Variants in SLC26A4 observed in about 807,000 individuals in gnomAD.
SLC26A4 encodes solute carrier family 26 member 4, also known as pendrin.
A neutral mutation model predicts 90.4 loss-of-function variants in SLC26A4; 93 were observed. The observed-to-expected ratio is 1.03, with a 90% confidence interval of 0.87 to 1.22. The LOEUF (loss-of-function observed/expected upper bound fraction) is 1.22. Ranked by LOEUF, SLC26A4 falls within the 50% of genes most tolerant of loss-of-function variation. SLC26A4 has a pLI of 0.00. For missense variants in SLC26A4, 1,127 were observed against 946.2 expected (o/e 1.19, Z -2.51); for synonymous variants, 393 against 354.6 (o/e 1.11, Z -1.22).
intron 18 of SLC26A4, among the ~76,000 whole-genome samples, chr7:107,707,666 A>G (rs893220194): frequency 6.6e-6 from 1 of 152,232 alleles, no homozygotes; most frequent in Non-Finnish European, 1.5e-5. Context: ...AATGTTATAT[A>G]ATTTTGGAAC....
chr7:107,680,254 T>TATATAATCTTATCTTATTATATA (rs764312420), intron 6 of SLC26A4, among the ~76,000 whole-genome samples: 1 of 124,576 alleles, frequency 8.0e-6, no homozygotes, highest in South Asian at 2.4e-4. Context: ...ATAATCTTAT[T>TATATAATCTTATCTTATTATATA]ATATAATCTT....
intron 10 of SLC26A4, among the ~76,000 whole-genome samples, chr7:107,690,711 A>G (rs1584325773): frequency 6.6e-6 from 1 of 152,144 alleles, no homozygotes; most frequent in Admixed American, 6.5e-5. Context: ...TTTGCTAGCC[A>G]AGAATATTTT....
At chr7:107,712,281 C>A (rs1213279873) in intron 19 of SLC26A4, among the ~76,000 whole-genome samples, 1 of 152,132 alleles carries the variant, frequency 6.6e-6, no homozygotes, top group African/African-American at 2.4e-5. Context: ...TGTTAAGAGG[C>A]ATACACTCAA....
At chr7:107,682,697 CA>C (rs913669318) in intron 6 of SLC26A4, among the ~76,000 whole-genome samples, 47 of 151,372 alleles carry the variant, frequency 3.1e-4, no homozygotes, top group African/African-American at 9.9e-4. Context: ...TATACACACA[CA>C]AAAAAAACAA....
In SLC26A4 at chr7:107,710,130, C is replaced by T; in HGVS notation, c.2166C>T (p.Val722=). 2 of 1,607,946 alleles carry T rather than the reference C, an allele frequency of 1.2e-6. No individual in the cohort carries two copies. Among genetic ancestry groups the T allele is most frequent in the Non-Finnish European group, 1.7e-6 (2 of 1,174,372 alleles). Residue 722 remains valine, a synonymous_variant, in exon 19 of 21, where the codon GTC becomes GTT. Transcript: ENST00000644269. ...GAAAGGACACATTCTTTTTGACGGT[C>T]CATGATGCTATACTCTATCTACAGA... ...NIRKDTFFLT[V]HDAILYLQNQ...
At chr7:107,694,750 A>T (rs1425736367) in intron 12 of SLC26A4, 34 bp downstream of exon 12, 1 of 1,447,662 alleles carries the variant, frequency 6.9e-7, no homozygotes, top group Admixed American at 1.7e-5. Context: ...TATCTGAAAT[A>T]AGATTTGGTT....
intron 3 of SLC26A4, among the ~76,000 whole-genome samples, chr7:107,666,179 G>C (rs1343765315): frequency 6.6e-6 from 1 of 152,098 alleles, no homozygotes; most frequent in African/African-American, 2.4e-5. Flanking sequence ...TATTGTGGTG[G>C]ATTAAATATA....
At position 107,690,203 on chromosome 7, in the gene SLC26A4, C is replaced by G. The variant is rs111033220; in HGVS notation, c.1229C>G (p.Thr410Arg). The change falls in exon 10 of 21, where the codon ACG becomes AGG. Residue 410 changes from threonine (T) to arginine (R), a missense_variant. Transcript: ENST00000644269. ...GTGGCCACCACTGCTCTTTCCCGCA[C>G]GGCCGTCCAGGAGAGCACTGGAGGA... ...CFVATTALSRTAVQESTGGKT... is the reference protein window; with the variant it reads ...CFVATTALSRRAVQESTGGKT... 1 of 1,611,790 alleles carries G rather than the reference C, an allele frequency of 6.2e-7. No homozygotes were observed. Among genetic ancestry groups the G allele is most frequent in the Admixed American group, 1.7e-5 (1 of 59,986 alleles).
chr7:107,701,024 G>A, intron 15 of SLC26A4, 77 bp from the exon 16 acceptor site: 1 of 879,840 alleles, frequency 1.1e-6, no homozygotes. Flanking sequence ...TTGAGAAATA[G>A]CCTTTCCAGA....
rs146419874 is a variant in SLC26A4 at position 107,677,330 on chromosome 7, A to G, written c.765+2221A>G. 6.2e-4 allele frequency among the ~76,000 whole-genome samples: 95 copies of G among 152,288 alleles called. 2 individuals are homozygous for G. In the South Asian group the frequency reaches 0.011, roughly 18 times the overall value. On this transcript the variant is annotated intron_variant, in intron 6 of 20. Coordinates refer to ENST00000644269, the MANE Select transcript of SLC26A4 (RefSeq NM_000441.2). ...ACTTCCCTAAGCCTCAGTGTCCTCA[A>G]TTGTAAAATGGGAGTAGTAATAGTA... is the stretch of plus-strand genomic sequence containing the variant.
chr7:107,664,371 A>G (rs1368501384), intron 3 of SLC26A4, among the ~76,000 whole-genome samples: 1 of 152,202 alleles, frequency 6.6e-6, no homozygotes, highest in East Asian at 1.9e-4. Flanking sequence ...AGCTGGGGCT[A>G]CAGGCATGTG....
chr7:107,688,048 A>G (rs1189304827), intron 8 of SLC26A4, among the ~76,000 whole-genome samples: 1 of 152,126 alleles, frequency 6.6e-6, no homozygotes, highest in East Asian at 1.9e-4. Context: ...TTAGGTAGGA[A>G]ATCGTCTAAT....
chr7:107,697,795 C>T (rs971974819), intron 13 of SLC26A4, among the ~76,000 whole-genome samples: 3 of 152,166 alleles, frequency 2.0e-5, no homozygotes, highest in Admixed American at 6.5e-5. Flanking sequence ...GTGTTGTGCA[C>T]GTGCAAGTAT....
chr7:107,678,247 C>A (rs1327920518), intron 6 of SLC26A4, among the ~76,000 whole-genome samples: 4 of 152,180 alleles, frequency 2.6e-5, no homozygotes, highest in Non-Finnish European at 5.9e-5. Context: ...TCAATAAACA[C>A]ATATTGAATA....
At chr7:107,678,764 A>T (rs1791093646) in intron 6 of SLC26A4, among the ~76,000 whole-genome samples, 1 of 152,142 alleles carries the variant, frequency 6.6e-6, no homozygotes, top group African/African-American at 2.4e-5. Flanking sequence ...AGCAGGTCTG[A>T]AAACGATTGC....
intron 19 of SLC26A4, among the ~76,000 whole-genome samples, chr7:107,711,165 G>C (rs74799078): frequency 8.8e-5 from 13 of 148,400 alleles, no homozygotes; most frequent in Non-Finnish European, 1.6e-4. Flanking sequence ...AAAAAAAAAA[G>C]AGTAAAGCTA....
intron 3 of SLC26A4, among the ~76,000 whole-genome samples, chr7:107,668,749 C>T (rs1790784029): frequency 6.6e-6 from 1 of 152,184 alleles, no homozygotes; most frequent in African/African-American, 2.4e-5. Context: ...TTTATTTCTG[C>T]AACATGAAGG....
chr7:107,676,637 T>C (rs967897928), intron 6 of SLC26A4, among the ~76,000 whole-genome samples: 2 of 152,164 alleles, frequency 1.3e-5, no homozygotes, highest in Non-Finnish European at 2.9e-5. Flanking sequence ...AAATAACGTG[T>C]CAACATTAAG....
rs1790616677 is a variant in SLC26A4, at chr7:107,663,321, G to A, written c.190G>A (p.Val64Met). The change falls in exon 3 of 21, where the codon GTG (valine) becomes ATG (methionine). Residue 64 changes from valine to methionine, a missense_variant. Coordinates refer to ENST00000644269, the MANE Select transcript of SLC26A4 (RefSeq NM_000441.2). ...CSCSRKRAFG[V>M]LKTLVPILEW... ...TTGTTCAAGAAAGAGAGCCTTTGGT[G>A]TGCTAAAGACTCTTGTGCCCATCTT... is the stretch of plus-strand genomic sequence containing the variant. 2 of 1,614,188 alleles carry A rather than the reference G, an allele frequency of 1.2e-6. No individual in the cohort carries two copies. Among genetic ancestry groups the A allele is most frequent in the Non-Finnish European group, 1.7e-6 (2 of 1,180,018 alleles).
Sources: allele counts gnomAD v4.1 joint callset (sites outside exome capture counted in the v4.1 genomes callset), GRCh38; gene constraint gnomAD v4.1.1; transcripts MANE v1.5; gene names NCBI Gene and HGNC (gene_info 2026-07-23, HGNC 2026-07-21).